Variants in CNTN1 observed in about 807,000 individuals in gnomAD.
The protein encoded by CNTN1 is contactin 1, also known as contactin-1.
In CNTN1, 38 loss-of-function variants were observed where a neutral mutation model predicts 126.4. The observed-to-expected ratio is 0.30, with a 90% confidence interval of 0.23 to 0.39. The LOEUF (loss-of-function observed/expected upper bound fraction) is 0.39. CNTN1 is among the 10% of genes least tolerant of loss of function. The pLI is 1.00. For synonymous variants in CNTN1, 413 were observed against 422.6 expected (o/e 0.98, Z 0.28); for missense variants, 1,009 against 1,248.4 (o/e 0.81, Z 2.89).
chr12:40,834,389 A>G (rs911833836), intron 1 of CNTN1, among the ~76,000 whole-genome samples: 2 of 152,158 alleles, frequency 1.3e-5, no homozygotes, highest in Admixed American at 6.6e-5. Context: ...CTTTTGAAAA[A>G]CTCAAGTGGC....
At chr12:40,810,271 T>C (rs1941009698) in intron 1 of CNTN1, among the ~76,000 whole-genome samples, 1 of 152,202 alleles carries the variant, frequency 6.6e-6, no homozygotes, top group African/African-American at 2.4e-5. Context: ...GTATTAAAGG[T>C]GTATATGAGT....
At chr12:41,028,111 A>C in intron 22 of CNTN1, 142 bp downstream of exon 22, 3 of 651,826 alleles carry the variant, frequency 4.6e-6, no homozygotes, top group Admixed American at 4.3e-5. Flanking sequence ...GGCTCATTGC[A>C]GCCTCCACTT....
chr12:40,797,865 G>A (rs1167093947), intron 1 of CNTN1, among the ~76,000 whole-genome samples: 1 of 151,994 alleles, frequency 6.6e-6, no homozygotes, highest in Non-Finnish European at 1.5e-5. Context: ...GCAGATGGGT[G>A]GAGACTGGTC....
At chr12:41,005,396 G>T (rs1265123411) in intron 17 of CNTN1, among the ~76,000 whole-genome samples, 1 of 151,972 alleles carries the variant, frequency 6.6e-6, no homozygotes, top group Non-Finnish European at 1.5e-5. Flanking sequence ...AAAATATGAT[G>T]ATTATGTGTC....
At chr12:40,851,440 A>G (rs1415880843) in intron 1 of CNTN1, among the ~76,000 whole-genome samples, 5 of 152,246 alleles carry the variant, frequency 3.3e-5, no homozygotes, top group African/African-American at 9.6e-5. Context: ...CGCATGAAAT[A>G]TGCAGTCAAA....
intron 1 of CNTN1, among the ~76,000 whole-genome samples, chr12:40,754,520 C>T (rs1938524608): frequency 6.6e-6 from 1 of 151,782 alleles, no homozygotes; most frequent in African/African-American, 2.4e-5. Flanking sequence ...TTTGAAAAAT[C>T]CTTTTTTATC....
chr12:40,749,902 G>T (rs935305940), intron 1 of CNTN1, among the ~76,000 whole-genome samples: 1 of 151,956 alleles, frequency 6.6e-6, no homozygotes, highest in Non-Finnish European at 1.5e-5. Flanking sequence ...ACTATTTTAC[G>T]TATGTGGTTA....
At chr12:40,924,530 G>A (rs1025558923) in intron 5 of CNTN1, 27 bp from the exon 6 acceptor site, 3 of 1,217,414 alleles carry the variant, frequency 2.5e-6, no homozygotes, top group Non-Finnish European at 3.6e-6. Flanking sequence ...GAGAGTGAAT[G>A]TTTCTCTTTT....
rs142621235 is a variant in CNTN1 at position 41,000,632 on chromosome 12, AT to A, written c.2113+7371del. 1.9e-4 allele frequency among the ~76,000 whole-genome samples: 29 copies of A among 151,624 alleles called. 1 individual carries two copies. The East Asian group carries it at 5.4e-3, about 28-fold the overall frequency. On this transcript the variant is annotated intron_variant, in intron 17 of 23. Transcript: ENST00000551295. Reference sequence around the variant, plus strand: ...GGAAACAAAATAATCATATAGTTTTATTTTTTTTAATTTTAAGTTAAGAGGT... The same window carrying A: ...GGAAACAAAATAATCATATAGTTTTATTTTTTTAATTTTAAGTTAAGAGGT...
chr12:40,723,469 G>A (rs1462106179), intron 1 of CNTN1, among the ~76,000 whole-genome samples: 1 of 152,120 alleles, frequency 6.6e-6, no homozygotes, highest in Non-Finnish European at 1.5e-5. Context: ...GAGGAAACTG[G>A]AACTAAGTGG....
rs767762976 is a variant in CNTN1 at position 40,918,742 on chromosome 12, G to T, written c.198G>T (p.Arg66Ser). 4 of 1,613,636 alleles carry T rather than the reference G, an allele frequency of 2.5e-6. No individual in the cohort carries two copies. The highest frequency in any genetic ancestry group is 3.4e-6 in the Non-Finnish European group (4 of 1,179,706). Residue 66 changes from arginine to serine, a missense_variant, in exon 4 of 24, where the codon AGG (arginine) becomes AGT (serine). By Grantham distance (110) the Arg-to-Ser change is moderately radical. Transcript: ENST00000551295. ...AAGGAAAAGTCTCACTCAACTGTAG[G>T]GCACGAGCCAGCCCTTTCCCGGTTT... ...SLEGKVSLNC[R>S]ARASPFPVYK...
intron 14 of CNTN1, among the ~76,000 whole-genome samples, chr12:40,955,569 TGAAA>T (rs749939135): frequency 1.3e-5 from 2 of 152,152 alleles, no homozygotes; most frequent in African/African-American, 4.8e-5. Flanking sequence ...TTGAAATTAC[TGAAA>T]GAATGTCTAT....
intron 6 of CNTN1, among the ~76,000 whole-genome samples, chr12:40,925,907 G>A (rs1945666396): frequency 6.9e-6 from 1 of 145,788 alleles, no homozygotes; most frequent in Admixed American, 7.0e-5. Context: ...TTTTCATAGT[G>A]TTTCCCACAA....
intron 1 of CNTN1, among the ~76,000 whole-genome samples, chr12:40,870,275 A>G (rs1318373673): frequency 2.6e-5 from 4 of 152,164 alleles, no homozygotes; most frequent in Non-Finnish European, 5.9e-5. Context: ...AATAAAGCAA[A>G]AATATTAACA....
intron 1 of CNTN1, among the ~76,000 whole-genome samples, chr12:40,837,126 A>G (rs1942089088): frequency 6.6e-6 from 1 of 152,200 alleles, no homozygotes; most frequent in Admixed American, 6.5e-5. Context: ...GTTAATTTTT[A>G]TTCAGATGCT....
intron 23 of CNTN1, among the ~76,000 whole-genome samples, chr12:41,057,819 T>A (rs1949859140): frequency 1.3e-5 from 2 of 152,010 alleles, no homozygotes; most frequent in Non-Finnish European, 2.9e-5. Flanking sequence ...GATGATGAGA[T>A]CCTAAACTTC....
chr12:41,025,181 A>C lies in CNTN1; in HGVS notation c.2555A>C (p.Glu852Ala). 1.2e-6 allele frequency: 2 copies of C among 1,613,972 alleles called. No individual in the cohort carries two copies. The highest frequency in any genetic ancestry group is 1.7e-6 in the Non-Finnish European group (2 of 1,179,884). The change falls in exon 21 of 24, where the codon GAA (glutamate) becomes GCA (alanine). Residue 852 changes from glutamate to alanine, a missense_variant. Transcript: ENST00000551295. ...TATTGGGCTGCCCATGACAAAGAAG[A>C]AGCTGCAAACAGAGTTCAAGTCACC... ...IRYWAAHDKE[E>A]AANRVQVTSQ...
At chr12:41,001,995 A>G (rs779765248) in intron 17 of CNTN1, among the ~76,000 whole-genome samples, 3 of 152,160 alleles carry the variant, frequency 2.0e-5, no homozygotes, top group Non-Finnish European at 4.4e-5. Flanking sequence ...GTCTGTTTTT[A>G]TGTACCAGTA....
At chr12:41,069,681 G>T (rs1433848941) in intron 23 of CNTN1, among the ~76,000 whole-genome samples, 1 of 148,462 alleles carries the variant, frequency 6.7e-6, no homozygotes. Flanking sequence ...GTAGGAATTT[G>T]GGACTGCTGG....
Sources: gnomAD v4.1 joint callset for allele counts (sites outside exome capture counted in the v4.1 genomes callset) on GRCh38, gnomAD v4.1.1 for gene constraint, MANE v1.5 for transcripts, NCBI Gene and HGNC (gene_info 2026-07-23, HGNC 2026-07-21) for gene names.